The following SYNE1 variants were observed in gnomAD, a reference collection of about 807,000 sequenced individuals.
SYNE1 encodes the protein spectrin repeat containing nuclear envelope protein 1.
A neutral mutation model predicts 1,111.0 loss-of-function variants in SYNE1; 616 were observed. The observed-to-expected ratio is 0.55, with a 90% confidence interval of 0.52 to 0.59. The LOEUF (loss-of-function observed/expected upper bound fraction) is 0.59. SYNE1 is among the 20% of genes least tolerant of loss of function. The probability of loss-of-function intolerance (pLI) is 0.00; values close to 1 mark genes in which losing one functional copy is unlikely to be tolerated. For synonymous variants in SYNE1, 3,855 were observed against 3,825.8 expected (o/e 1.01, Z -0.28); for missense variants, 10,006 against 10,417.0 (o/e 0.96, Z 1.72).
chr6:152,542,268 G>C (rs546149773), intron 3 of SYNE1, among the ~76,000 whole-genome samples: 1 of 152,216 alleles, frequency 6.6e-6, no homozygotes, highest in African/African-American at 2.4e-5. Flanking sequence ...AAGAATGAAT[G>C]AGTAAAGAAA....
rs555870165 is a variant in SYNE1 at position 152,159,039 on chromosome 6, C to T, written c.23791-2942G>A. 2.6e-5 allele frequency among the ~76,000 whole-genome samples: 4 copies of T among 152,212 alleles called. No individual in the cohort carries two copies. In the South Asian group the frequency reaches 8.3e-4, roughly 32 times the overall value. The stretch of plus-strand genomic sequence containing the variant: ...CAATCTCGGCTCACTGCAACCTCCG[C>T]CTCCCAGGTTCAAGCGATTCTCCTG... On this transcript the variant is annotated intron_variant, in intron 131 of 145. Transcript: ENST00000367255.
chr6:152,386,254 A>G (rs2097525394), intron 54 of SYNE1, among the ~76,000 whole-genome samples: 1 of 152,176 alleles, frequency 6.6e-6, no homozygotes, highest in Non-Finnish European at 1.5e-5. Context: ...TACTATTATT[A>G]TTATTATCTT....
chr6:152,203,883 G>T (rs73780846), intron 126 of SYNE1, among the ~76,000 whole-genome samples: 3,467 of 152,154 alleles, frequency 0.023, 127 homozygotes, highest in African/African-American at 0.08. Context: ...CAGGGACAGA[G>T]TTGTTCAAAT....
chr6:152,245,528 T>C (rs1348959897), intron 105 of SYNE1, among the ~76,000 whole-genome samples: 2 of 152,204 alleles, frequency 1.3e-5, no homozygotes, highest in African/African-American at 4.8e-5. Flanking sequence ...TCAGAGTGAG[T>C]ATTTTGTTTG....
rs747923644 is a variant in SYNE1 at position 152,208,212 on chromosome 6, G to A, written c.22590-6C>T. ...ATTTCAGGTTGAATTCATCCCTAGT[G>A]AAGAAATAATTACATGGTAAAAAAG... On this transcript the variant is annotated splice_polypyrimidine_tract_variant and splice_region_variant and intron_variant, in intron 124 of 145. Transcript: ENST00000367255. The A allele has an allele frequency of 1.7e-5, 27 of 1,612,452 alleles. No homozygotes were observed. The highest frequency in any genetic ancestry group is 2.0e-5 in the Non-Finnish European group (23 of 1,178,904).
In SYNE1 at chr6:152,195,257, G is replaced by C. The variant is rs561860757; in HGVS notation, c.23146-5850C>G. On this transcript the variant is annotated intron_variant, in intron 127 of 145. Coordinates refer to ENST00000367255, the MANE Select transcript of SYNE1 (RefSeq NM_182961.4). ...TTTTGAATTATCTGTCTGAAAGGTT[G>C]CATATATCTGTCTCTCCAGAATTGG... Among the ~76,000 whole-genome samples the C allele has an allele frequency of 1.3e-4, 20 of 152,294 alleles. No homozygotes were observed. In the South Asian group the frequency reaches 3.7e-3, roughly 28 times the overall value.
intron 98 of SYNE1, among the ~76,000 whole-genome samples, chr6:152,273,149 C>T (rs1223661812): frequency 6.6e-6 from 1 of 152,202 alleles, no homozygotes; most frequent in Non-Finnish European, 1.5e-5. Context: ...TTACACTTCA[C>T]CCAATGTGGG....
At chr6:152,172,584 A>G (rs2635468) in intron 130 of SYNE1, among the ~76,000 whole-genome samples, 18,227 of 152,208 alleles carry the variant, frequency 0.12, 1,583 homozygotes, top group East Asian at 0.3. Flanking sequence ...GTGATAAGAA[A>G]CATTGAAGAA....
chr6:152,516,984 A>G (rs2099115480), intron 6 of SYNE1, among the ~76,000 whole-genome samples: 1 of 152,324 alleles, frequency 6.6e-6, no homozygotes, highest in South Asian at 2.1e-4. Context: ...CTTCAATAAG[A>G]AAGAGATTAG....
In SYNE1 at chr6:152,331,334, CTTTG is replaced by C; in HGVS notation, c.13347_13350del (p.Asn4449LysfsTer27). ...AGAAACTGGGTTTTCTCGGACAAGG[CTTTG>C]TTTAAGTACTTTCTTCGCTGGCCCA... On this transcript the variant is annotated frameshift_variant, in exon 78 of 146. Transcript: ENST00000367255. LOFTEE classifies it high-confidence loss of function. 6.2e-7 allele frequency: 1 copy of C among 1,614,162 alleles called. No homozygotes were observed. Among genetic ancestry groups the C allele is most frequent in the East Asian group, 2.2e-5 (1 of 44,884 alleles).
chr6:152,529,932 A>G (rs375152068), intron 4 of SYNE1, among the ~76,000 whole-genome samples: 1 of 152,098 alleles, frequency 6.6e-6, no homozygotes, highest in African/African-American at 2.4e-5. Flanking sequence ...AGCAAAAAAA[A>G]AGTTAACCCA....
intron 42 of SYNE1, among the ~76,000 whole-genome samples, chr6:152,411,731 C>CCAACA (rs1554649308): frequency 0.022 from 3,222 of 149,562 alleles, 123 homozygotes; most frequent in African/African-American, 0.074. Context: ...ACACACACCC[C>CCAACA]CACACACACA....
chr6:152,346,662 T>G (rs1004094236), intron 73 of SYNE1, among the ~76,000 whole-genome samples: 23 of 151,710 alleles, frequency 1.5e-4, no homozygotes, highest in African/African-American at 5.6e-4. Flanking sequence ...TACAAAAAAT[T>G]AGCCAGGCGT....
intron 61 of SYNE1, chr6:152,367,797 T>A (rs921228186): frequency 4.2e-6 from 1 of 237,350 alleles, no homozygotes; most frequent in Non-Finnish European, 8.4e-6. Context: ...TTTTGTAATA[T>A]CTCTAAATTT....
intron 66 of SYNE1, 73 bp from the exon 67 acceptor site, chr6:152,355,049 A>C: frequency 6.5e-7 from 1 of 1,546,938 alleles, no homozygotes; most frequent in Non-Finnish European, 8.9e-7. Context: ...GTCTTGCCCA[A>C]GCCAACTGTG....
chr6:152,623,439 A>G (rs1365376384), intron 3 of SYNE1, among the ~76,000 whole-genome samples: 3 of 152,214 alleles, frequency 2.0e-5, no homozygotes, highest in Non-Finnish European at 4.4e-5. Flanking sequence ...AACCTGGGCA[A>G]TACCATTCAT....
chr6:152,466,122 A>C (rs1411015980), intron 16 of SYNE1, 44 bp from the exon 17 acceptor site: 32 of 1,288,420 alleles, frequency 2.5e-5, no homozygotes, highest in Non-Finnish European at 3.4e-5. Flanking sequence ...CATTAGGCTC[A>C]TGTAGAATGC....
intron 130 of SYNE1, among the ~76,000 whole-genome samples, chr6:152,166,412 C>G (rs1207378519): frequency 6.6e-6 from 1 of 152,114 alleles, no homozygotes; most frequent in Non-Finnish European, 1.5e-5. Context: ...TTAAGTTTTA[C>G]TTCTAGATTC....
intron 98 of SYNE1, chr6:152,277,601 C>A: frequency 5.3e-6 from 1 of 189,132 alleles, no homozygotes; most frequent in South Asian, 1.0e-4. Context: ...ATTCCTTTTT[C>A]ACCAACTTTT....
Sources: allele counts gnomAD v4.1 joint callset (sites outside exome capture counted in the v4.1 genomes callset), GRCh38; gene constraint gnomAD v4.1.1; transcripts MANE v1.5; gene names NCBI Gene and HGNC (gene_info 2026-07-23, HGNC 2026-07-21).